TMEM132D: variants seen among roughly 807,000 people sequenced by gnomAD.
TMEM132D encodes the protein mature OL transmembrane protein.
A neutral mutation model predicts 62.3 loss-of-function variants in TMEM132D; 21 were observed. The ratio of observed to expected loss-of-function variants is 0.34; its 90% CI spans 0.24 to 0.49. The LOEUF is 0.49. TMEM132D is among the 20% of genes least tolerant of loss of function. TMEM132D has a pLI of 0.99. For missense variants in TMEM132D, 1,346 were observed against 1,402.8 expected (o/e 0.96, Z 0.65); for synonymous variants, 621 against 575.6 (o/e 1.08, Z -1.13).
At position 129,269,922 on chromosome 12, in the gene TMEM132D, G is replaced by A. The variant is rs558554672; in HGVS notation, c.1300-60259C>T. ...TGATGGATAGCAATGCAACCAAGGCGTCTGAAAGGAAAGGCAGTGACGTGA... is the reference window on the plus strand; with the variant it reads ...TGATGGATAGCAATGCAACCAAGGCATCTGAAAGGAAAGGCAGTGACGTGA... On this transcript the variant is annotated intron_variant, in intron 4 of 8. Transcript: ENST00000422113. Among the ~76,000 whole-genome samples the A allele has an allele frequency of 1.5e-3, 233 of 152,238 alleles. 1 individual carries two copies. The highest frequency in any genetic ancestry group is 5.2e-3 in the African/African-American group (218 of 41,544).
At chr12:129,302,256 A>T (rs1881734593) in intron 4 of TMEM132D, among the ~76,000 whole-genome samples, 1 of 152,220 alleles carries the variant, frequency 6.6e-6, no homozygotes, top group Non-Finnish European at 1.5e-5. Context: ...CTGGGATTAT[A>T]GGTGTGCACC....
chr12:129,736,261 T>G (rs1202923445), intron 1 of TMEM132D, among the ~76,000 whole-genome samples: 2 of 152,244 alleles, frequency 1.3e-5, no homozygotes, highest in Admixed American at 6.5e-5. Flanking sequence ...ATACTTCTTT[T>G]TTATGGTACA....
intron 5 of TMEM132D, among the ~76,000 whole-genome samples, chr12:129,103,417 G>A (rs993146222): frequency 4.6e-5 from 7 of 152,166 alleles, no homozygotes; most frequent in Non-Finnish European, 8.8e-5. Context: ...TGGCTTCCAC[G>A]CCCAGATTTG....
At position 129,165,497 on chromosome 12, in the gene TMEM132D, TAGATAGGTGTGTGACAAA is replaced by T. The variant is rs574260965; in HGVS notation, c.1443+44005_1443+44022del. ...ATGGATCAGTTGTTTTAGGGATGAATAGATAGGTGTGTGACAAAACAAGCACAGCAAAATGTTCATTGC... is the reference window on the plus strand; with the variant it reads ...ATGGATCAGTTGTTTTAGGGATGAATACAAGCACAGCAAAATGTTCATTGC... On this transcript the variant is annotated intron_variant, in intron 5 of 8. Transcript: ENST00000422113. Among the ~76,000 whole-genome samples the T allele has an allele frequency of 3.1e-4, 47 of 152,312 alleles. 1 individual carries two copies. Among genetic ancestry groups the T allele is most frequent in the Admixed American group, 2.5e-3 (39 of 15,302 alleles).
At chr12:129,188,432 GCTCA>G (rs1170458144) in intron 5 of TMEM132D, among the ~76,000 whole-genome samples, 2 of 152,256 alleles carry the variant, frequency 1.3e-5, no homozygotes, top group East Asian at 1.9e-4. Context: ...TGAAATAAAT[GCTCA>G]CTCTTTCAAG....
chr12:129,875,873 A>G (rs908240301), intron 1 of TMEM132D, among the ~76,000 whole-genome samples: 4 of 152,236 alleles, frequency 2.6e-5, no homozygotes, highest in Admixed American at 6.5e-5. Context: ...TTGATCAAAC[A>G]CAACATGTCC....
At chr12:129,091,931 C>A (rs1403508701) in intron 5 of TMEM132D, among the ~76,000 whole-genome samples, 1 of 152,214 alleles carries the variant, frequency 6.6e-6, no homozygotes, top group Non-Finnish European at 1.5e-5. Flanking sequence ...ATTCCAAACT[C>A]CCCCTCTGGG....
chr12:129,295,662 A>T (rs1384974366), intron 4 of TMEM132D, among the ~76,000 whole-genome samples: 1 of 152,080 alleles, frequency 6.6e-6, no homozygotes, highest in East Asian at 1.9e-4. Flanking sequence ...ACACATAAAA[A>T]GTCATCCCAC....
intron 5 of TMEM132D, among the ~76,000 whole-genome samples, chr12:129,163,389 C>T (rs1440979782): frequency 1.3e-5 from 2 of 152,188 alleles, no homozygotes; most frequent in Admixed American, 1.3e-4. Context: ...CAGATTCATC[C>T]TCTGCCGTTC....
At chr12:129,579,131 T>C (rs1179964579) in intron 2 of TMEM132D, among the ~76,000 whole-genome samples, 3 of 152,202 alleles carry the variant, frequency 2.0e-5, no homozygotes, top group African/African-American at 4.8e-5. Context: ...AAAACAATTT[T>C]CCAAGGGAAA....
At chr12:129,724,804 TGAGCCACC>T (rs1258828603) in intron 1 of TMEM132D, among the ~76,000 whole-genome samples, 1 of 152,064 alleles carries the variant, frequency 6.6e-6, no homozygotes, top group Non-Finnish European at 1.5e-5. Context: ...ATTACAGGCA[TGAGCCACC>T]GTGCCTGGCC....
In TMEM132D at chr12:129,842,097, ATTTTTTTT is replaced by A. The variant is rs746315309; in HGVS notation, c.79+61156_79+61163del. 1.8e-3 allele frequency among the ~76,000 whole-genome samples: 177 copies of A among 97,450 alleles called. 1 individual carries two copies. The highest frequency in any genetic ancestry group is 6.5e-3 in the Admixed American group (54 of 8,314). The allele number at this position is 97,450 out of a possible 152,430, so 63.9% of individuals were successfully genotyped here. On this transcript the variant is annotated intron_variant, in intron 1 of 8. Coordinates refer to ENST00000422113, the MANE Select transcript of TMEM132D (RefSeq NM_133448.3). ...AGGCGCCCACCACCACGCCCGGCTA[ATTTTTTTT>A]TTTTTTTTTTTTTTTTGTATTTTTA...
intron 2 of TMEM132D, among the ~76,000 whole-genome samples, chr12:129,589,479 C>T (rs1218147405): frequency 6.6e-6 from 1 of 152,196 alleles, no homozygotes; most frequent in Non-Finnish European, 1.5e-5. Context: ...TACCTACCCG[C>T]ATATGCAAGG....
chr12:129,273,527 C>T (rs1880917307), intron 4 of TMEM132D, among the ~76,000 whole-genome samples: 1 of 151,360 alleles, frequency 6.6e-6, no homozygotes, highest in South Asian at 2.1e-4. Flanking sequence ...AGGTGCCCAG[C>T]CATGGTGGAC....
At chr12:129,601,634 A>G (rs988285550) in intron 2 of TMEM132D, among the ~76,000 whole-genome samples, 2 of 152,142 alleles carry the variant, frequency 1.3e-5, no homozygotes, top group Admixed American at 6.5e-5. Flanking sequence ...CTTCATTTCA[A>G]TATTTTTGTG....
rs576387455 is a variant in TMEM132D at position 129,300,157 on chromosome 12, A to G, written c.1299+37477T>C. On this transcript the variant is annotated intron_variant, in intron 4 of 8. Coordinates refer to ENST00000422113, the MANE Select transcript of TMEM132D (RefSeq NM_133448.3). Reference sequence around the variant, plus strand: ...GGGGAACCAAGTCATCGTAGAGGAGATGGAGAATACTTGAGCCAGCTACTT... The same window carrying G: ...GGGGAACCAAGTCATCGTAGAGGAGGTGGAGAATACTTGAGCCAGCTACTT... Among the ~76,000 whole-genome samples the G allele has an allele frequency of 2.4e-4, 36 of 152,262 alleles. No individual in the cohort carries two copies. In the South Asian group the frequency reaches 6.9e-3, roughly 29 times the overall value.
At chr12:129,191,192 C>T (rs1878390529) in intron 5 of TMEM132D, among the ~76,000 whole-genome samples, 1 of 152,010 alleles carries the variant, frequency 6.6e-6, no homozygotes, top group Non-Finnish European at 1.5e-5. Flanking sequence ...TACTCAAAGC[C>T]ACCTTTTCAG....
chr12:129,583,457 C>T (rs912400196), intron 2 of TMEM132D, among the ~76,000 whole-genome samples: 1 of 152,150 alleles, frequency 6.6e-6, no homozygotes, highest in Admixed American at 6.5e-5. Context: ...ACTCACAGAA[C>T]TATACACCAC....
intron 5 of TMEM132D, among the ~76,000 whole-genome samples, chr12:129,180,175 G>C (rs2135550613): frequency 6.6e-6 from 1 of 152,080 alleles, no homozygotes; most frequent in African/African-American, 2.4e-5. Flanking sequence ...CAATTCAACG[G>C]GTATCCAGTG....
Sources: gnomAD v4.1 joint callset for allele counts (sites outside exome capture counted in the v4.1 genomes callset) on GRCh38, gnomAD v4.1.1 for gene constraint, MANE v1.5 for transcripts, NCBI Gene and HGNC (gene_info 2026-07-23, HGNC 2026-07-21) for gene names.